The following KIF18A variants were observed in gnomAD, a reference collection of about 807,000 sequenced individuals.
The protein encoded by KIF18A is kinesin family member 18A.
A neutral mutation model predicts 103.3 loss-of-function variants in KIF18A; 67 were observed. That is an observed-to-expected ratio of 0.65 (90% CI 0.53 to 0.79). The LOEUF (loss-of-function observed/expected upper bound fraction) is 0.79, where lower values mean the gene tolerates loss of function less well. KIF18A is among the 30% of genes least tolerant of loss of function. The probability of loss-of-function intolerance (pLI) is 0.00; values close to 1 mark genes in which losing one functional copy is unlikely to be tolerated. For missense variants in KIF18A, 1,032 were observed against 1,062.5 expected (o/e 0.97, Z 0.40); for synonymous variants, 367 against 355.5 (o/e 1.03, Z -0.36).
At chr11:28,080,003 T>C (rs1008235898) in intron 9 of KIF18A, among the ~76,000 whole-genome samples, 8 of 152,122 alleles carry the variant, frequency 5.3e-5, no homozygotes, top group South Asian at 4.1e-4. Context: ...CAGATGTTCA[T>C]TCAAATAATT....
At chr11:28,094,568 A>C (rs1851344107) in intron 3 of KIF18A, 75 bp downstream of exon 3, 3 of 1,028,410 alleles carry the variant, frequency 2.9e-6, no homozygotes, top group Non-Finnish European at 4.3e-6. Context: ...GAAAACTCTT[A>C]TATAATAAAA....
At chr11:28,036,729 C>T in intron 13 of KIF18A, 65 bp from the exon 14 acceptor site, 2 of 952,712 alleles carry the variant, frequency 2.1e-6, no homozygotes, top group Non-Finnish European at 3.0e-6. Flanking sequence ...ACCCCCATTA[C>T]TTTTAAAACT....
At chr11:28,023,340 G>T (rs1850269973) in intron 16 of KIF18A, among the ~76,000 whole-genome samples, 1 of 152,044 alleles carries the variant, frequency 6.6e-6, no homozygotes, top group African/African-American at 2.4e-5. Context: ...TTGAGTTAGA[G>T]GCCAAATTAT....
Position 28,082,946 on chromosome 11 carries a change from A to G in KIF18A, c.1172T>C (p.Leu391Pro). ...GGCTTTCTGTTCTTCATAGGCTTTT[A>G]GTTTTTCTTTTAACAATAAAATCTA... is the stretch of plus-strand genomic sequence containing the variant. ...KAEILLLKEK[L>P]KAYEEQKAFT... is the part of the protein sequence containing the mutation. The change falls in exon 9 of 17, where the codon CTA (leucine) becomes CCA (proline). Residue 391 changes from leucine (L) to proline (P), a missense_variant. Transcript: ENST00000263181. 1 of 1,589,560 alleles carries G rather than the reference A, an allele frequency of 6.3e-7. No homozygotes were observed. Among genetic ancestry groups the G allele is most frequent in the Non-Finnish European group, 8.6e-7 (1 of 1,167,660 alleles).
At chr11:28,027,870 C>T (rs1277968494) in intron 15 of KIF18A, among the ~76,000 whole-genome samples, 2 of 151,866 alleles carry the variant, frequency 1.3e-5, no homozygotes, top group Admixed American at 6.6e-5. Flanking sequence ...TACTCTGATA[C>T]CAAAACCAGA....
At position 28,066,309 on chromosome 11, in the gene KIF18A, C is replaced by T. The variant is rs550925438; in HGVS notation, c.1590+2950G>A. Among the ~76,000 whole-genome samples, 39 of 151,302 alleles carry T rather than the reference C, an allele frequency of 2.6e-4. 1 individual carries two copies. In the South Asian group the frequency reaches 6.7e-3, roughly 26 times the overall value. On this transcript the variant is annotated intron_variant, in intron 11 of 16. Transcript: ENST00000263181. Reference sequence around the variant, plus strand: ...CAACTCTTGTGTATTAAATGAGAAACACTCATTTGGCCAGGGTTATCCAGC... The same window carrying T: ...CAACTCTTGTGTATTAAATGAGAAATACTCATTTGGCCAGGGTTATCCAGC...
Position 28,088,535 on chromosome 11 carries a change from C to T in KIF18A, c.886G>A (p.Ala296Thr), listed in dbSNP as rs143408652. 6 of 1,612,544 alleles carry T rather than the reference C, an allele frequency of 3.7e-6. No homozygotes were observed. Among genetic ancestry groups the T allele is most frequent in the Non-Finnish European group, 5.1e-6 (6 of 1,178,796 alleles). ...LALGNVINAL[A>T]DSKRKNQHIP... is the part of the protein sequence containing the mutation. ...CATATAATGCCTACCTTTGAATCTG[C>T]TAAGGCATTGATGACATTCCCAAGA... Residue 296 changes from alanine (A) to threonine (T), a missense_variant, in exon 6 of 17, where the codon GCA (alanine) becomes ACA (threonine). Transcript: ENST00000263181.
At chr11:28,058,100 T>C (rs77702485) in intron 13 of KIF18A, among the ~76,000 whole-genome samples, 4,530 of 152,252 alleles carry the variant, frequency 0.03, 88 homozygotes, top group Non-Finnish European at 0.045. Flanking sequence ...GTCTACTTCT[T>C]TTCTTCTACA....
Position 28,090,654 on chromosome 11 carries a change from A to G in KIF18A, c.662T>C (p.Met221Thr), listed in dbSNP as rs774749408. ...ATGAGAACGAGAAGATGTGGCATTC[A>G]TATCAGTGGGATGTTGTGTCCTGTT... is the stretch of plus-strand genomic sequence containing the variant. ...NKNRTQHPTD[M>T]NATSSRSHAV... The change falls in exon 5 of 17, where the codon ATG becomes ACG. Residue 221 changes from methionine to threonine, a missense_variant. Transcript: ENST00000263181. 22 of 1,608,556 alleles carry G rather than the reference A, an allele frequency of 1.4e-5. No individual in the cohort carries two copies. The highest frequency in any genetic ancestry group is 6.7e-5 in the Admixed American group (4 of 59,874).
chr11:28,031,267 G>T (rs1465628092), intron 15 of KIF18A, among the ~76,000 whole-genome samples: 1 of 152,102 alleles, frequency 6.6e-6, no homozygotes, highest in African/African-American at 2.4e-5. Flanking sequence ...CAATAGCAAA[G>T]ACTTGTACCC....
chr11:28,045,688 G>A (rs1023656762), intron 13 of KIF18A, among the ~76,000 whole-genome samples: 3 of 152,026 alleles, frequency 2.0e-5, no homozygotes, highest in Admixed American at 6.6e-5. Context: ...TTGTAAGTGA[G>A]CTAATTCTTC....
intron 10 of KIF18A, among the ~76,000 whole-genome samples, chr11:28,071,573 A>G (rs1282812803): frequency 6.6e-6 from 1 of 151,076 alleles, no homozygotes; most frequent in Non-Finnish European, 1.5e-5. Context: ...ATGCATAAAT[A>G]TATTTTTATA....
chr11:28,028,852 C>A (rs1048562057), intron 15 of KIF18A, among the ~76,000 whole-genome samples: 19 of 152,094 alleles, frequency 1.2e-4, no homozygotes, highest in African/African-American at 4.1e-4. Context: ...GGGATATCAC[C>A]ACCGATCCCA....
In KIF18A at chr11:28,023,809, C is replaced by T; in HGVS notation, c.2546G>A (p.Gly849Glu). Residue 849 changes from glycine (G) to glutamate (E), a missense_variant, in exon 16 of 17, where the codon GGA becomes GAA. Gly to Glu is a moderately conservative substitution (Grantham distance 98). Transcript: ENST00000263181. ...ATCTTGTCGAACACGTTTGGCAAAT[C>T]CAGAATTTACGTCTGCAGTTAACGA... Reference protein sequence around the residue: ...NSSLTADVNSGFAKRVRQDNS... With the variant: ...NSSLTADVNSEFAKRVRQDNS... 6.2e-7 allele frequency: 1 copy of T among 1,612,840 alleles called. No homozygotes were observed. Among genetic ancestry groups the T allele is most frequent in the Non-Finnish European group, 8.5e-7 (1 of 1,179,206 alleles).
At chr11:28,040,128 T>A (rs1207203010) in intron 13 of KIF18A, among the ~76,000 whole-genome samples, 23 of 151,820 alleles carry the variant, frequency 1.5e-4, no homozygotes, top group Non-Finnish European at 1.5e-5. Context: ...AATTTTACTC[T>A]GAATACAATT....
At chr11:28,064,688 G>C (rs1348937762) in intron 11 of KIF18A, among the ~76,000 whole-genome samples, 1 of 151,982 alleles carries the variant, frequency 6.6e-6, no homozygotes, top group East Asian at 1.9e-4. Flanking sequence ...GACAAGACTT[G>C]ATTGTATAAT....
intron 1 of KIF18A, among the ~76,000 whole-genome samples, chr11:28,101,031 T>A (rs1410131261): frequency 2.0e-5 from 3 of 152,212 alleles, no homozygotes; most frequent in Admixed American, 6.5e-5. Flanking sequence ...TCTCTTCCTA[T>A]CTGCCCCACT....
At chr11:28,047,633 T>C (rs1850654678) in intron 13 of KIF18A, among the ~76,000 whole-genome samples, 1 of 152,072 alleles carries the variant, frequency 6.6e-6, no homozygotes, top group East Asian at 1.9e-4. Context: ...GTTGCCAGAG[T>C]TGGAGTCATG....
intron 15 of KIF18A, among the ~76,000 whole-genome samples, chr11:28,029,693 G>C (rs1850370040): frequency 6.6e-6 from 1 of 151,480 alleles, no homozygotes; most frequent in Non-Finnish European, 1.5e-5. Flanking sequence ...AATGAGGCAA[G>C]AGAAGGAAAT....
Sources: allele counts gnomAD v4.1 joint callset (sites outside exome capture counted in the v4.1 genomes callset), GRCh38; gene constraint gnomAD v4.1.1; transcripts MANE v1.5; gene names NCBI Gene and HGNC (gene_info 2026-07-23, HGNC 2026-07-21).